ATP9A: variants seen among roughly 807,000 people sequenced by gnomAD.
ATP9A encodes the protein ATPase phospholipid transporting 9A, also known as probable phospholipid-transporting ATPase IIA.
ATP9A carries 52 observed loss-of-function variants against 144.1 expected under a neutral mutation model. The ratio of observed to expected loss-of-function variants is 0.36; its 90% confidence interval spans 0.29 to 0.45. ATP9A has a LOEUF of 0.45. Ranked by LOEUF, ATP9A falls within the 20% of genes least tolerant of loss-of-function variation. ATP9A has a pLI of 1.00. For missense variants in ATP9A, 947 were observed against 1,392.7 expected (o/e 0.68, Z 5.09); for synonymous variants, 582 against 557.4 (o/e 1.04, Z -0.62).
chr20:51,671,352 C>G, intron 11 of ATP9A, 95 bp from the exon 12 acceptor site: 1 of 1,408,764 alleles, frequency 7.1e-7, no homozygotes, highest in Non-Finnish European at 9.8e-7. Flanking sequence ...TGTGCCATCG[C>G]ATCCGGACTC....
At chr20:51,743,780 G>A (rs568903059) in intron 1 of ATP9A, among the ~76,000 whole-genome samples, 24 of 149,828 alleles carry the variant, frequency 1.6e-4, no homozygotes, top group Non-Finnish European at 2.1e-4. Flanking sequence ...AGGCTGAGGC[G>A]GGCGGATCAC....
intron 15 of ATP9A, among the ~76,000 whole-genome samples, chr20:51,634,346 C>T (rs373276239): frequency 2.6e-5 from 4 of 152,310 alleles, no homozygotes; most frequent in South Asian, 2.1e-4. Flanking sequence ...AAACACCCCA[C>T]CCACAGGATC....
At chr20:51,622,277 C>T in intron 18 of ATP9A, 105 bp from the exon 19 acceptor site, 1 of 880,866 alleles carries the variant, frequency 1.1e-6, no homozygotes, top group Non-Finnish European at 1.8e-6. Context: ...TTGGTATGTT[C>T]CGTTTACCTC....
intron 15 of ATP9A, among the ~76,000 whole-genome samples, chr20:51,636,528 C>G (rs757256539): frequency 3.3e-5 from 5 of 151,362 alleles, no homozygotes; most frequent in Non-Finnish European, 5.9e-5. Flanking sequence ...CGATGTCCCT[C>G]TCGTCACACC....
chr20:51,730,176 T>C (rs948745922), intron 1 of ATP9A, among the ~76,000 whole-genome samples, 198 bp from the exon 2 acceptor site: 1 of 152,186 alleles, frequency 6.6e-6, no homozygotes, highest in Admixed American at 6.5e-5. Flanking sequence ...AAATAAAAGA[T>C]GCTTTGTCCT....
chr20:51,725,701 G>A (rs916370281), intron 3 of ATP9A, 118 bp downstream of exon 3: 1 of 711,432 alleles, frequency 1.4e-6, no homozygotes, highest in Non-Finnish European at 2.5e-6. Flanking sequence ...ATTGGCCTAA[G>A]GGCATCCTTT....
At chr20:51,626,196 G>C (rs1342243659) in intron 17 of ATP9A, among the ~76,000 whole-genome samples, 1 of 152,212 alleles carries the variant, frequency 6.6e-6, no homozygotes, top group Non-Finnish European at 1.5e-5. Flanking sequence ...ACAGCTTAAA[G>C]AAATTAGGGA....
intron 13 of ATP9A, among the ~76,000 whole-genome samples, chr20:51,661,212 C>T (rs2077409121): frequency 6.6e-6 from 1 of 152,150 alleles, no homozygotes; most frequent in Non-Finnish European, 1.5e-5. Flanking sequence ...GACAAGAACT[C>T]CAGCCTGTTA....
At chr20:51,690,229 G>A (rs549041973) in intron 8 of ATP9A, among the ~76,000 whole-genome samples, 6 of 151,614 alleles carry the variant, frequency 4.0e-5, no homozygotes, top group Admixed American at 2.0e-4. Flanking sequence ...GACCATCCTG[G>A]CTAACACCGT....
chr20:51,624,819 A>T (rs2077241085), intron 18 of ATP9A, among the ~76,000 whole-genome samples: 1 of 152,108 alleles, frequency 6.6e-6, no homozygotes, highest in South Asian at 2.1e-4. Flanking sequence ...CAGCCTGGCC[A>T]ACATGGTGAA....
intron 14 of ATP9A, among the ~76,000 whole-genome samples, chr20:51,644,366 G>T (rs1193182861): frequency 1.4e-5 from 2 of 139,786 alleles, no homozygotes; most frequent in African/African-American, 5.4e-5. Context: ...TCCACCTCCT[G>T]GGTTCATGCC....
At chr20:51,638,121 A>ATATCTATATCTATC (rs1555831227) in intron 15 of ATP9A, among the ~76,000 whole-genome samples, 3 of 103,024 alleles carry the variant, frequency 2.9e-5, no homozygotes, top group African/African-American at 1.2e-4. Flanking sequence ...ATATATATAT[A>ATATCTATATCTATC]TATCTCATAG....
chr20:51,752,424 T>A (rs771347517), intron 1 of ATP9A, among the ~76,000 whole-genome samples: 1 of 152,242 alleles, frequency 6.6e-6, no homozygotes, highest in Non-Finnish European at 1.5e-5. Flanking sequence ...CTCGCACGTG[T>A]TGACCACTAT....
intron 1 of ATP9A, among the ~76,000 whole-genome samples, chr20:51,736,258 G>A (rs570896448): frequency 6.6e-6 from 1 of 152,310 alleles, no homozygotes; most frequent in East Asian, 1.9e-4. Context: ...GAGATGGGGG[G>A]CGGACAACAC....
At chr20:51,691,406 T>C (rs1486902190) in intron 7 of ATP9A, among the ~76,000 whole-genome samples, 2 of 152,160 alleles carry the variant, frequency 1.3e-5, no homozygotes, top group Admixed American at 6.6e-5. Context: ...GAGGTGAAGG[T>C]TGCAGTAAGC....
intron 13 of ATP9A, among the ~76,000 whole-genome samples, chr20:51,669,534 C>T (rs2077447056): frequency 6.6e-6 from 1 of 152,204 alleles, no homozygotes; most frequent in African/African-American, 2.4e-5. Flanking sequence ...ATTGGTGCTC[C>T]GGGTCATAGC....
At chr20:51,687,065 A>G (rs766807215) in intron 9 of ATP9A, among the ~76,000 whole-genome samples, 4 of 152,160 alleles carry the variant, frequency 2.6e-5, no homozygotes, top group Non-Finnish European at 5.9e-5. Flanking sequence ...CAAAGAATAA[A>G]AAGAGTAATT....
At chr20:51,762,020 A>C (rs963690237) in intron 1 of ATP9A, among the ~76,000 whole-genome samples, 4 of 151,918 alleles carry the variant, frequency 2.6e-5, no homozygotes, top group African/African-American at 9.7e-5. Context: ...TCTTTCTCTT[A>C]TGCTGACACT....
At chr20:51,626,433 G>A (rs2077248809) in intron 17 of ATP9A, among the ~76,000 whole-genome samples, 1 of 151,658 alleles carries the variant, frequency 6.6e-6, no homozygotes, top group Non-Finnish European at 1.5e-5. Context: ...AGGTTGCAGT[G>A]AGCAGAGATC....
Sources: allele counts gnomAD v4.1 joint callset (sites outside exome capture counted in the v4.1 genomes callset), GRCh38; gene constraint gnomAD v4.1.1; transcripts MANE v1.5; gene names NCBI Gene and HGNC (gene_info 2026-07-23, HGNC 2026-07-21).